The following ZNF254 variants were observed in gnomAD, a reference collection of about 807,000 sequenced individuals.
ZNF254 encodes CTD-2017D11.1.
Under a neutral mutation model 12.4 loss-of-function variants are expected in ZNF254, and 10 were observed. The observed-to-expected ratio is 0.80, with a 90% confidence interval of 0.50 to 1.36. ZNF254 has a LOEUF of 1.36. Ranked by LOEUF, ZNF254 falls within the 40% of genes most tolerant of loss-of-function variation. The pLI is 0.00. For synonymous variants in ZNF254, 305 were observed against 253.4 expected (o/e 1.20, Z -1.93); for missense variants, 996 against 763.9 (o/e 1.30, Z -3.58).
upstream of ZNF254, chr19:24,087,015 T>G (rs771252735): frequency 1.0e-5 from 4 of 382,382 alleles, no homozygotes; most frequent in Non-Finnish European, 1.5e-5. Context: ...CCGATAAGGC[T>G]GCAGCTTAGG....
intron 2 of ZNF254, among the ~76,000 whole-genome samples, chr19:24,074,286 C>T (rs1185444404): frequency 2.0e-5 from 3 of 152,150 alleles, no homozygotes; most frequent in Non-Finnish European, 4.4e-5. Flanking sequence ...GGCCCAGCAT[C>T]GAGCTGAAGT....
chr19:24,122,165 G>C (rs921238840), intron 3 of ZNF254, among the ~76,000 whole-genome samples: 1 of 152,056 alleles, frequency 6.6e-6, no homozygotes, highest in Non-Finnish European at 1.5e-5. Flanking sequence ...GCAACATATT[G>C]CTAGAATGTT....
rs528448312 is a variant in ZNF254 at position 24,106,982 on chromosome 19, C to A, written c.253+339C>A. On this transcript the variant is annotated intron_variant, in intron 3 of 3. Transcript: ENST00000357002. ...TAATTTTGAGATACTGTATGTTAAACTGTTTTTTAAGTTCTCTTTTTGCAT... is the reference window on the plus strand; with the variant it reads ...TAATTTTGAGATACTGTATGTTAAAATGTTTTTTAAGTTCTCTTTTTGCAT... 1,217 of 439,894 alleles carry A rather than the reference C, an allele frequency of 2.8e-3. 5 individuals carry two copies. Among genetic ancestry groups the A allele is most frequent in the Middle Eastern group, 0.016 (27 of 1,710 alleles). The allele number at this position is 439,894 out of a possible 1,614,324, so 27.2% of individuals were successfully genotyped here.
chr19:24,078,475 C>G (rs1212289659), intron 2 of ZNF254: 1 of 152,114 alleles, frequency 6.6e-6, no homozygotes, highest in Admixed American at 6.5e-5. Flanking sequence ...CTCACTTTTT[C>G]AAAAAGACTC....
At chr19:24,036,672 T>A (rs62117633) in intron 1 of ZNF254, among the ~76,000 whole-genome samples, 1 of 152,060 alleles carries the variant, frequency 6.6e-6, no homozygotes, top group Non-Finnish European at 1.5e-5. Context: ...GGAGGGAGAC[T>A]CTTGGTTTCT....
chr19:24,077,045 C>T (rs1183401830), intron 2 of ZNF254, among the ~76,000 whole-genome samples: 1 of 152,186 alleles, frequency 6.6e-6, no homozygotes, highest in Non-Finnish European at 1.5e-5. Context: ...GAGACAAATG[C>T]AGATCTGTTT....
rs1403335067 is a variant in ZNF254, at chr19:24,128,856, T to A, written c.*876T>A. 6.6e-6 allele frequency: 1 copy of A among 151,948 alleles called. No individual in the cohort carries two copies. Among genetic ancestry groups the A allele is most frequent in the Non-Finnish European group, 1.5e-5 (1 of 67,894 alleles). The allele number at this position is 151,948 out of a possible 1,614,324, so 9.4% of individuals were successfully genotyped here. ...TGTATATAACTTTAAAAATAGAATA[T>A]TTTTTGGAGGGTTATAATTACATTC... On this transcript the variant is annotated 3_prime_UTR_variant, in exon 4 of 4. Coordinates refer to ENST00000357002, the MANE Select transcript of ZNF254 (RefSeq NM_203282.4).
chr19:24,067,167 C>T (rs564455113), intron 2 of ZNF254, among the ~76,000 whole-genome samples: 8 of 152,040 alleles, frequency 5.3e-5, no homozygotes, highest in Non-Finnish European at 8.8e-5. Flanking sequence ...GGCCCTACAC[C>T]TAGATGATGT....
At chr19:24,066,179 C>T (rs936081110) in intron 2 of ZNF254, 2 of 152,142 alleles carry the variant, frequency 1.3e-5, no homozygotes, top group Admixed American at 1.3e-4. Flanking sequence ...CTACACCCTG[C>T]CTACACAGAA....
chr19:24,113,408 C>T (rs972323390), intron 3 of ZNF254, among the ~76,000 whole-genome samples: 2 of 152,076 alleles, frequency 1.3e-5, no homozygotes, highest in African/African-American at 4.8e-5. Flanking sequence ...TGTAATCCAG[C>T]ATATAAACAG....
intron 3 of ZNF254, among the ~76,000 whole-genome samples, chr19:24,107,793 C>G (rs534791368): frequency 2.4e-4 from 36 of 152,210 alleles, no homozygotes; most frequent in Admixed American, 3.3e-4. Flanking sequence ...AAACTGGTTT[C>G]AGAAAGTAAA....
intron 1 of ZNF254, among the ~76,000 whole-genome samples, chr19:24,040,802 G>A (rs895855744): frequency 2.0e-5 from 3 of 152,180 alleles, no homozygotes; most frequent in Non-Finnish European, 4.4e-5. Flanking sequence ...TTAAAAAGCT[G>A]GCAAAGCATG....
intron 3 of ZNF254, among the ~76,000 whole-genome samples, chr19:24,123,999 TAGAA>T (rs1021007239): frequency 2.2e-4 from 33 of 152,174 alleles, no homozygotes; most frequent in Admixed American, 1.2e-3. Flanking sequence ...TTTTCTGAAA[TAGAA>T]AGACTTACTG....
chr19:24,042,893 A>G (rs1033769018), intron 1 of ZNF254, among the ~76,000 whole-genome samples: 1 of 152,198 alleles, frequency 6.6e-6, no homozygotes, highest in African/African-American at 2.4e-5. Context: ...AAGTTTCTTC[A>G]CTATAAAGTT....
chr19:24,113,910 G>GT (rs775413442), intron 3 of ZNF254, among the ~76,000 whole-genome samples: 11 of 152,144 alleles, frequency 7.2e-5, no homozygotes, highest in Non-Finnish European at 1.2e-4. Flanking sequence ...CAAATCATGA[G>GT]TGAACTCCCA....
chr19:24,075,260 C>T (rs946417757), intron 2 of ZNF254, among the ~76,000 whole-genome samples: 1 of 152,080 alleles, frequency 6.6e-6, no homozygotes, highest in Non-Finnish European at 1.5e-5. Flanking sequence ...CTGGGCCCAA[C>T]ACCTAGGGAA....
At chr19:24,088,978 T>G (rs1315371306) in intron 1 of ZNF254, among the ~76,000 whole-genome samples, 2 of 67,580 alleles carry the variant, frequency 3.0e-5, no homozygotes, top group Non-Finnish European at 4.8e-5. Flanking sequence ...TTTTTTTTTT[T>G]TTTTTTTTTT....
rs1975008924 is a variant in ZNF254 at position 24,127,861 on chromosome 19, A to G, written c.1861A>G (p.Lys621Glu). 2 of 1,613,470 alleles carry G rather than the reference A, an allele frequency of 1.2e-6. No individual in the cohort carries two copies. The highest frequency in any genetic ancestry group is 1.7e-6 in the Non-Finnish European group (2 of 1,179,764). ...FFWSSTLTKH[K>E]RIHTGEQPYK... ...CTGGTCCTCAACCCTAACTAAACAT[A>G]AGAGAATTCATACTGGAGAGCAACC... The change falls in exon 4 of 4, where the codon AAG becomes GAG. Residue 621 changes from lysine to glutamate, a missense_variant. Lys to Glu is a moderately conservative substitution (Grantham distance 56). Transcript: ENST00000357002.
intron 2 of ZNF254, among the ~76,000 whole-genome samples, chr19:24,052,517 G>A (rs1010338654): frequency 6.6e-6 from 1 of 152,116 alleles, no homozygotes; most frequent in Non-Finnish European, 1.5e-5. Context: ...GAAGATTGTG[G>A]CAAATCACCG....
Sources: allele counts gnomAD v4.1 joint callset (sites outside exome capture counted in the v4.1 genomes callset), GRCh38; gene constraint gnomAD v4.1.1; transcripts MANE v1.5; gene names NCBI Gene and HGNC (gene_info 2026-07-23, HGNC 2026-07-21).